Variants in PRKAR1B observed in about 807,000 individuals in gnomAD.
PRKAR1B encodes protein kinase cAMP-dependent type I regulatory subunit beta, also known as cAMP-dependent protein kinase type I-beta regulatory subunit.
A neutral mutation model predicts 46.5 loss-of-function variants in PRKAR1B; 22 were observed. The observed-to-expected ratio is 0.47, with a 90% CI of 0.34 to 0.68. PRKAR1B has a LOEUF of 0.68. PRKAR1B is among the 30% of genes least tolerant of loss of function. PRKAR1B has a pLI of 0.01. For synonymous variants in PRKAR1B, 259 were observed against 217.7 expected (o/e 1.19, Z -1.67); for missense variants, 445 against 535.6 (o/e 0.83, Z 1.67).
intron 4 of PRKAR1B, among the ~76,000 whole-genome samples, chr7:642,246 C>G (rs897916932): frequency 1.3e-5 from 2 of 152,044 alleles, no homozygotes; most frequent in Admixed American, 6.6e-5. Context: ...TCATGGTGGA[C>G]GGGGGTGGAA....
In PRKAR1B at chr7:550,382, G is replaced by A. The variant is rs1784104268; in HGVS notation, c.*48C>T. 1.3e-6 allele frequency: 2 copies of A among 1,536,606 alleles called. No homozygotes were observed. The highest frequency in any genetic ancestry group is 2.4e-5 in the South Asian group (2 of 83,746). On this transcript the variant is annotated 3_prime_UTR_variant, in exon 11 of 11. Coordinates refer to ENST00000537384, the MANE Select transcript of PRKAR1B (RefSeq NM_001164760.2). ...CGGGCCCCCGACACAGACGAGCAGG[G>A]CACGGCCACCACACTGGGGAGCTGG...
At chr7:680,510 C>T (rs373103324) in intron 3 of PRKAR1B, 46 bp downstream of exon 3, 289 of 1,538,304 alleles carry the variant, frequency 1.9e-4, no homozygotes, top group African/African-American at 2.3e-4. Flanking sequence ...GTGACAGCCA[C>T]GTGCCGAGGC....
chr7:592,111 G>A (rs1006820079), intron 7 of PRKAR1B, among the ~76,000 whole-genome samples: 3 of 152,108 alleles, frequency 2.0e-5, no homozygotes, highest in African/African-American at 7.2e-5. Context: ...GGCAGGTCCC[G>A]GCTCTGATCC....
At chr7:691,395 C>A in intron 2 of PRKAR1B, 1 of 924,890 alleles carries the variant, frequency 1.1e-6, no homozygotes. Context: ...GATTCCAAAT[C>A]CCCTGCCTGG....
intron 4 of PRKAR1B, among the ~76,000 whole-genome samples, chr7:636,003 G>GA (rs1287851874): frequency 7.2e-5 from 6 of 83,186 alleles, no homozygotes; most frequent in African/African-American, 2.3e-4. Flanking sequence ...TCCTCCACCG[G>GA]CCGCGCCCTC....
chr7:665,772 C>T (rs143743268), intron 4 of PRKAR1B, among the ~76,000 whole-genome samples: 74 of 152,338 alleles, frequency 4.9e-4, no homozygotes, highest in African/African-American at 1.8e-3. Context: ...AGCCAGGAGA[C>T]AGCTCCCTTC....
rs1786209764 is a variant in PRKAR1B at position 670,864 on chromosome 7, T to C, written c.440+6365A>G. ...TCCGGACCGAGGACAGCCTCCGAGC[T>C]CCCCCATGCCACGGCGTCAGGCAGA... On this transcript the variant is annotated intron_variant, in intron 4 of 10. Coordinates refer to ENST00000537384, the MANE Select transcript of PRKAR1B (RefSeq NM_001164760.2). Among the ~76,000 whole-genome samples the C allele has an allele frequency of 3.3e-5, 5 of 150,008 alleles. No individual in the cohort carries two copies. In the South Asian group the frequency reaches 1.1e-3, roughly 32 times the overall value.
At chr7:694,454 C>G (rs1366421147) in intron 2 of PRKAR1B, among the ~76,000 whole-genome samples, 1 of 151,970 alleles carries the variant, frequency 6.6e-6, no homozygotes, top group Non-Finnish European at 1.5e-5. Flanking sequence ...CCCAAAGAGA[C>G]TAGCCTGGAG....
At chr7:675,284 C>A (rs759627061) in intron 4 of PRKAR1B, among the ~76,000 whole-genome samples, 1 of 152,228 alleles carries the variant, frequency 6.6e-6, no homozygotes, top group Non-Finnish European at 1.5e-5. Flanking sequence ...AGGAGCACAG[C>A]AGAGAACAAT....
At chr7:641,079 A>T (rs1016806504) in intron 4 of PRKAR1B, among the ~76,000 whole-genome samples, 1 of 151,656 alleles carries the variant, frequency 6.6e-6, no homozygotes, top group Non-Finnish European at 1.5e-5. Flanking sequence ...CTGCCTTCCG[A>T]GTAGCTGGGA....
intron 6 of PRKAR1B, among the ~76,000 whole-genome samples, chr7:601,044 C>T (rs747102494): frequency 1.6e-4 from 24 of 152,180 alleles, no homozygotes; most frequent in Non-Finnish European, 2.8e-4. Context: ...CAGAGGGCAG[C>T]GTCCACCCTG....
intron 4 of PRKAR1B, among the ~76,000 whole-genome samples, chr7:658,033 C>G (rs1478518713): frequency 1.3e-5 from 2 of 152,196 alleles, no homozygotes; most frequent in Non-Finnish European, 2.9e-5. Flanking sequence ...GTCAGAAACA[C>G]AGGCCGAGAC....
upstream of PRKAR1B, among the ~76,000 whole-genome samples, chr7:727,904 T>TTGGGGTGGGG (rs373402051): frequency 7.3e-5 from 11 of 151,158 alleles, no homozygotes; most frequent in African/African-American, 1.2e-4. Context: ...GTTAGGCGGT[T>TTGGGGTGGGG]TGGGGTGGGG....
At chr7:696,898 G>C (rs1779771265) in intron 2 of PRKAR1B, 2 of 152,420 alleles carry the variant, frequency 1.3e-5, no homozygotes, top group South Asian at 4.1e-4. Flanking sequence ...AGGGCTGCAT[G>C]GGGGTGACCT....
At chr7:633,418 T>C (rs1256439485) in intron 4 of PRKAR1B, among the ~76,000 whole-genome samples, 1 of 152,160 alleles carries the variant, frequency 6.6e-6, no homozygotes, top group Non-Finnish European at 1.5e-5. Flanking sequence ...ATCCCACGAC[T>C]TGGGAGCCAT....
chr7:611,188 T>G (rs1195549767), intron 4 of PRKAR1B, among the ~76,000 whole-genome samples: 2 of 152,154 alleles, frequency 1.3e-5, no homozygotes, highest in African/African-American at 2.4e-5. Flanking sequence ...TCATGAACGC[T>G]CCTCCACGGT....
chr7:619,822 CTTTT>C (rs1039080335), intron 4 of PRKAR1B, among the ~76,000 whole-genome samples: 1 of 151,860 alleles, frequency 6.6e-6, no homozygotes, highest in African/African-American at 2.4e-5. Flanking sequence ...CTTTCCTTTC[CTTTT>C]TCTTTCTGTT....
At chr7:621,148 A>C (rs1487329713) in intron 4 of PRKAR1B, among the ~76,000 whole-genome samples, 1 of 152,224 alleles carries the variant, frequency 6.6e-6, no homozygotes, top group Admixed American at 6.5e-5. Context: ...ACATACAATG[A>C]TCTAGCAGCT....
intron 6 of PRKAR1B, among the ~76,000 whole-genome samples, chr7:596,642 GCA>G (rs1781282448): frequency 6.6e-6 from 1 of 152,230 alleles, no homozygotes; most frequent in African/African-American, 2.4e-5. Flanking sequence ...TGACTCCCAG[GCA>G]GTGTCTGATT....
Sources: gnomAD v4.1 joint callset for allele counts (sites outside exome capture counted in the v4.1 genomes callset) on GRCh38, gnomAD v4.1.1 for gene constraint, MANE v1.5 for transcripts, NCBI Gene and HGNC (gene_info 2026-07-23, HGNC 2026-07-21) for gene names.